The following CEP63 variants were observed in gnomAD, a reference collection of about 807,000 sequenced individuals.
CEP63 encodes the protein centrosomal protein 63.
In CEP63, 84 loss-of-function variants were observed where a neutral mutation model predicts 89.1. That is an observed-to-expected ratio of 0.94 (90% CI 0.79 to 1.13). The LOEUF is 1.13. Among genes scored for constraint, CEP63 ranks in the 50% most tolerant of loss-of-function variants. CEP63 has a pLI of 0.00. For synonymous variants in CEP63, 267 were observed against 272.5 expected (o/e 0.98, Z 0.20); for missense variants, 838 against 813.3 (o/e 1.03, Z -0.37).
chr3:134,541,397 A>C (rs981171269), intron 6 of CEP63, among the ~76,000 whole-genome samples: 1 of 152,076 alleles, frequency 6.6e-6, no homozygotes, highest in African/African-American at 2.4e-5. Flanking sequence ...ATTTGATAGG[A>C]ATCTAAATTT....
the CEP63 span, among the ~76,000 whole-genome samples, chr3:134,726,491 C>A: frequency 7.3e-5 from 11 of 151,682 alleles, no homozygotes; most frequent in Non-Finnish European, 1.0e-4. Flanking sequence ...CACACACACA[C>A]ACACACACAC....
At chr3:134,625,833 C>T in the CEP63 span, among the ~76,000 whole-genome samples, 1 of 152,248 alleles carries the variant, frequency 6.6e-6, no homozygotes, top group Non-Finnish European at 1.5e-5. Flanking sequence ...TCACAGGGAG[C>T]CTGCTGACCA....
intron 1 of CEP63, chr3:134,486,673 G>A (rs1391299409): frequency 1.2e-5 from 5 of 414,908 alleles, no homozygotes; most frequent in Non-Finnish European, 1.6e-5. Flanking sequence ...AGCGCTGTTG[G>A]GACTACTTCA....
chr3:134,672,804 G>T, the CEP63 span, among the ~76,000 whole-genome samples: 2 of 152,150 alleles, frequency 1.3e-5, no homozygotes, highest in Non-Finnish European at 2.9e-5. Context: ...CCTTGCCCCA[G>T]CCCAAGCCTC....
At chr3:134,776,278 A>G in the CEP63 span, among the ~76,000 whole-genome samples, 5 of 152,212 alleles carry the variant, frequency 3.3e-5, no homozygotes, top group Non-Finnish European at 5.9e-5. Context: ...CAAGCCACAT[A>G]TTTTCTAGTA....
rs1226444231 is a variant in CEP63, at chr3:134,583,137, G to C, written c.1207-4321G>C. Among the ~76,000 whole-genome samples the C allele has an allele frequency of 8.5e-5, 13 of 152,154 alleles. No individual in the cohort carries two copies. In the South Asian group the frequency reaches 1.9e-3, roughly 22 times the overall value. On this transcript the variant is annotated intron_variant, in intron 10 of 10. Transcript: ENST00000683931. ...TCTCCCATTCTATAGGTTGCCTGTT[G>C]ACTCTGATGGTAGTTTCTTTTGCTG...
the CEP63 span, among the ~76,000 whole-genome samples, chr3:134,681,263 G>A: frequency 1.3e-5 from 2 of 152,328 alleles, no homozygotes; most frequent in Admixed American, 1.3e-4. Flanking sequence ...ATTGTAAACT[G>A]TGAAGTGAGG....
Position 134,561,323 on chromosome 3 carries a change from T to G in CEP63, c.1954-54T>G, listed in dbSNP as rs1035877567. 20 of 1,476,520 alleles carry G rather than the reference T, an allele frequency of 1.4e-5. No homozygotes were observed. In the African/African-American group the frequency reaches 2.5e-4, roughly 18 times the overall value. 91.5% of individuals were successfully genotyped at this position (1,476,520 alleles called of 1,614,324 possible). ...AGAAAATGTCATGAACAGTGTATCT[T>G]AGAAATATAATATTCTACTTATTTA... On this transcript the variant is annotated intron_variant, in intron 14 of 14. Coordinates refer to ENST00000675561, the MANE Select transcript of CEP63 (RefSeq NM_001353108.3).
chr3:134,679,944 G>T, the CEP63 span, among the ~76,000 whole-genome samples: 1 of 152,108 alleles, frequency 6.6e-6, no homozygotes, highest in Non-Finnish European at 1.5e-5. Context: ...GCTGGTCTTG[G>T]AACTCCTGGG....
At chr3:134,593,931 G>T in the CEP63 span, among the ~76,000 whole-genome samples, 1 of 152,228 alleles carries the variant, frequency 6.6e-6, no homozygotes, top group South Asian at 2.1e-4. Flanking sequence ...ATGCCAAAAG[G>T]TTCATGGTAC....
the CEP63 span, among the ~76,000 whole-genome samples, chr3:134,700,156 C>T: frequency 6.6e-6 from 1 of 152,218 alleles, no homozygotes; most frequent in Middle Eastern, 3.2e-3. Flanking sequence ...TATTTTGATT[C>T]TTCTGATTTT....
rs1953193322 is a variant in CEP63, at chr3:134,545,903, C to A, written c.789+84C>A. ...GTTATTAAGCTAGAACTAGGTTCTA[C>A]AATCCATACTTTCTTCCCTACTTTA... On this transcript the variant is annotated intron_variant, in intron 7 of 14. Coordinates refer to ENST00000675561, the MANE Select transcript of CEP63 (RefSeq NM_001353108.3). The A allele has an allele frequency of 1.9e-5, 20 of 1,034,922 alleles. 1 individual carries two copies. Among genetic ancestry groups the A allele is most frequent in the Middle Eastern group, 2.5e-4 (1 of 4,054 alleles). The allele number at this position is 1,034,922 out of a possible 1,614,324, so 64.1% of individuals were successfully genotyped here. A position where few individuals can be genotyped will look rare whatever the true frequency, so the allele number is the denominator to read the frequency against.
the CEP63 span, among the ~76,000 whole-genome samples, chr3:134,648,456 T>G: frequency 6.6e-6 from 1 of 152,156 alleles, no homozygotes; most frequent in East Asian, 1.9e-4. Flanking sequence ...ACCTAAGACT[T>G]CAAAGCTCAT....
chr3:134,517,891 T>C (rs983424399), intron 3 of CEP63, among the ~76,000 whole-genome samples: 2 of 151,932 alleles, frequency 1.3e-5, no homozygotes, highest in Admixed American at 6.6e-5. Flanking sequence ...TCTCAAGAGG[T>C]TGGGAAAAGA....
At chr3:134,553,042 A>G (rs1053023575) in intron 12 of CEP63, 2 of 152,160 alleles carry the variant, frequency 1.3e-5, no homozygotes, top group African/African-American at 2.4e-5. Flanking sequence ...TTGCAAAATG[A>G]CTCATCTATT....
chr3:134,643,486 C>A, the CEP63 span: 1 of 839,656 alleles, frequency 1.2e-6, no homozygotes, highest in Non-Finnish European at 2.0e-6. Flanking sequence ...GGGGGCCAAG[C>A]ACATCCCCAG....
At chr3:134,618,117 AG>A in the CEP63 span, among the ~76,000 whole-genome samples, 1 of 152,144 alleles carries the variant, frequency 6.6e-6, no homozygotes, top group African/African-American at 2.4e-5. Context: ...AGGGAAGTAC[AG>A]GAAGCAGAGC....
chr3:134,718,374 T>G, the CEP63 span, among the ~76,000 whole-genome samples: 49 of 152,346 alleles, frequency 3.2e-4, no homozygotes, highest in African/African-American at 1.2e-3. Context: ...AAAATCTTTC[T>G]CTGGACTTTC....
chr3:134,557,383 T>TTTTTTTTTG (rs1956422063), intron 12 of CEP63, among the ~76,000 whole-genome samples: 6 of 107,926 alleles, frequency 5.6e-5, no homozygotes, highest in Non-Finnish European at 1.3e-4. Flanking sequence ...TTTGTTTTTT[T>TTTTTTTTTG]TTTTTTTTTT....
Sources: gnomAD v4.1 joint callset for allele counts (sites outside exome capture counted in the v4.1 genomes callset) on GRCh38, gnomAD v4.1.1 for gene constraint, MANE v1.5 for transcripts, NCBI Gene and HGNC (gene_info 2026-07-23, HGNC 2026-07-21) for gene names.